Variants in LSAMP observed in about 807,000 individuals in gnomAD.
The protein encoded by LSAMP is limbic system-associated membrane protein.
In LSAMP, 7 loss-of-function variants were observed where a neutral mutation model predicts 38.6. The ratio of observed to expected loss-of-function variants is 0.18; its 90% confidence interval spans 0.10 to 0.34. The LOEUF is 0.34. Ranked by LOEUF, LSAMP falls within the 10% of genes least tolerant of loss-of-function variation. The pLI, the probability that LSAMP is intolerant of heterozygous loss-of-function variation, is 1.00. For synonymous variants in LSAMP, 154 were observed against 166.8 expected, an observed-to-expected ratio of 0.92 and a Z score of 0.59; for missense variants, 313 against 420.0, an observed-to-expected ratio of 0.75 and a Z score of 2.23.
At chr3:116,016,142 AG>A (rs1940476387) in intron 3 of LSAMP, among the ~76,000 whole-genome samples, 1 of 152,174 alleles carries the variant, frequency 6.6e-6, no homozygotes, top group African/African-American at 2.4e-5. Context: ...TTCACATTAC[AG>A]GCTGAAAAGA....
At chr3:115,874,051 CTT>C (rs1477974197) in intron 3 of LSAMP, among the ~76,000 whole-genome samples, 2 of 152,146 alleles carry the variant, frequency 1.3e-5, no homozygotes, top group African/African-American at 4.8e-5. Flanking sequence ...ATCTTTCTCT[CTT>C]GGAGCCTTTT....
At chr3:115,813,969 A>G (rs1407825093) in intron 6 of LSAMP, among the ~76,000 whole-genome samples, 2 of 152,248 alleles carry the variant, frequency 1.3e-5, no homozygotes, top group Non-Finnish European at 2.9e-5. Context: ...TAGAACCACA[A>G]TTCAAATTTT....
intron 2 of LSAMP, among the ~76,000 whole-genome samples, chr3:116,028,916 G>T (rs1940855261): frequency 6.6e-6 from 1 of 152,112 alleles, no homozygotes; most frequent in African/African-American, 2.4e-5. Context: ...ATGCCAGTAT[G>T]TTGAGCCATT....
At chr3:116,146,990 G>A (rs1333064204) in intron 1 of LSAMP, among the ~76,000 whole-genome samples, 1 of 151,740 alleles carries the variant, frequency 6.6e-6, no homozygotes, top group African/African-American at 2.4e-5. Flanking sequence ...TTACAAACTG[G>A]GGGTCCCAGG....
At chr3:116,104,402 A>T (rs533462182) in intron 1 of LSAMP, among the ~76,000 whole-genome samples, 1 of 151,980 alleles carries the variant, frequency 6.6e-6, no homozygotes, top group African/African-American at 2.4e-5. Flanking sequence ...CAATGTTAAA[A>T]AAAAAAAAAA....
chr3:116,248,388 A>G (rs971015226), intron 1 of LSAMP, among the ~76,000 whole-genome samples: 11 of 152,110 alleles, frequency 7.2e-5, no homozygotes, highest in African/African-American at 2.7e-4. Context: ...TGTAATCTCA[A>G]CTACTCAAGA....
At chr3:116,402,623 C>T (rs1367953176) in intron 1 of LSAMP, among the ~76,000 whole-genome samples, 1 of 151,996 alleles carries the variant, frequency 6.6e-6, no homozygotes, top group African/African-American at 2.4e-5. Context: ...TGTTTTTATA[C>T]ACACATATAC....
In LSAMP at chr3:115,802,725, A is replaced by ATATTT. The variant is rs1933542713; in HGVS notation, c.*7587_*7591dup. On this transcript the variant is annotated 3_prime_UTR_variant, in exon 7 of 7. Transcript: ENST00000490035. ...TGAAAAAAGGAATATATTTATATAT[A>ATATTT]TATTTATATGTATATAACACTGTTA... is the stretch of plus-strand genomic sequence containing the variant. 1 of 151,856 alleles carries ATATTT rather than the reference A, an allele frequency of 6.6e-6. No individual in the cohort carries two copies. Among genetic ancestry groups the ATATTT allele is most frequent in the East Asian group, 1.9e-4 (1 of 5,196 alleles). 9.4% of individuals were successfully genotyped at this position (151,856 alleles called of 1,614,324 possible).
At chr3:116,153,507 G>A (rs1709669849) in intron 1 of LSAMP, among the ~76,000 whole-genome samples, 4 of 152,046 alleles carry the variant, frequency 2.6e-5, no homozygotes, top group South Asian at 2.1e-4. Flanking sequence ...ACTCAACAAG[G>A]ATAAAAATAG....
At chr3:116,437,021 GTGTGTATA>G (rs2049360946) in intron 1 of LSAMP, among the ~76,000 whole-genome samples, 3 of 144,442 alleles carry the variant, frequency 2.1e-5, no homozygotes, top group African/African-American at 8.1e-5. Context: ...ATATATATGT[GTGTGTATA>G]TATATATATG....
chr3:115,886,207 T>G, intron 3 of LSAMP, among the ~76,000 whole-genome samples: 1 of 151,948 alleles, frequency 6.6e-6, no homozygotes, highest in Non-Finnish European at 1.5e-5. Flanking sequence ...CTTCTAGAAA[T>G]ACCCTTACAG....
intron 1 of LSAMP, among the ~76,000 whole-genome samples, chr3:116,286,850 G>T (rs561940329): frequency 1.2e-4 from 18 of 148,714 alleles, no homozygotes; most frequent in African/African-American, 4.3e-4. Context: ...TTCTAGTTCT[G>T]CATTGCCTAC....
At chr3:116,239,998 C>G (rs1469158504) in intron 1 of LSAMP, among the ~76,000 whole-genome samples, 1 of 152,098 alleles carries the variant, frequency 6.6e-6, no homozygotes, top group Admixed American at 6.6e-5. Flanking sequence ...AAAGTTGTAT[C>G]ATAGTATATG....
intron 1 of LSAMP, among the ~76,000 whole-genome samples, chr3:116,331,645 G>C (rs552204351): frequency 6.6e-4 from 100 of 152,220 alleles, no homozygotes; most frequent in African/African-American, 2.2e-3. Context: ...CCGTAGAACT[G>C]CCCTGAAAGA....
chr3:116,385,458 A>T (rs1351340154), intron 1 of LSAMP, among the ~76,000 whole-genome samples: 4 of 152,190 alleles, frequency 2.6e-5, no homozygotes, highest in Non-Finnish European at 5.9e-5. Context: ...TAAAGATGCA[A>T]GGAAAACAGT....
chr3:116,110,734 A>G (rs1708589483), intron 1 of LSAMP, among the ~76,000 whole-genome samples: 1 of 152,126 alleles, frequency 6.6e-6, no homozygotes, highest in Middle Eastern at 3.2e-3. Flanking sequence ...TCACGGAGCA[A>G]AGAGCAGGAG....
chr3:116,157,890 G>A (rs980836206), intron 1 of LSAMP, among the ~76,000 whole-genome samples: 3 of 152,002 alleles, frequency 2.0e-5, no homozygotes, highest in African/African-American at 7.2e-5. Flanking sequence ...AAACCTGGCA[G>A]AGACACAATA....
chr3:115,993,544 G>C (rs1939731168), intron 3 of LSAMP, among the ~76,000 whole-genome samples: 1 of 151,862 alleles, frequency 6.6e-6, no homozygotes, highest in Non-Finnish European at 1.5e-5. Flanking sequence ...TGTCTACTCA[G>C]TTTTCTAAGT....
At chr3:115,885,815 G>T (rs369604285) in intron 3 of LSAMP, among the ~76,000 whole-genome samples, 4 of 151,894 alleles carry the variant, frequency 2.6e-5, no homozygotes, top group South Asian at 4.2e-4. Flanking sequence ...CAGTACCACG[G>T]ACAGCTCTCT....
Sources: gnomAD v4.1 joint callset for allele counts (sites outside exome capture counted in the v4.1 genomes callset) on GRCh38, gnomAD v4.1.1 for gene constraint, MANE v1.5 for transcripts, NCBI Gene and HGNC (gene_info 2026-07-23, HGNC 2026-07-21) for gene names.